The following TNR variants were observed in gnomAD, a reference collection of about 807,000 sequenced individuals.
TNR encodes tenascin R.
In TNR, 45 loss-of-function variants were observed where a neutral mutation model predicts 150.4. That is an observed-to-expected ratio of 0.30 (90% CI 0.24 to 0.38). The LOEUF (loss-of-function observed/expected upper bound fraction) is 0.38, where lower values mean the gene tolerates loss of function less well. Ranked by LOEUF, TNR falls within the 10% of genes least tolerant of loss-of-function variation. The pLI, the probability that TNR is intolerant of heterozygous loss-of-function variation, is 1.00. For synonymous variants in TNR, 687 were observed against 678.4 expected (o/e 1.01, Z -0.20); for missense variants, 1,544 against 1,759.1 (o/e 0.88, Z 2.19).
At chr1:175,729,394 T>C (rs1667567270) in intron 1 of TNR, among the ~76,000 whole-genome samples, 1 of 150,888 alleles carries the variant, frequency 6.6e-6, no homozygotes, top group Admixed American at 6.6e-5. Context: ...AGAATGAGCA[T>C]TCAAGTTTCT....
chr1:175,519,356 A>T (rs373072100), intron 2 of TNR, among the ~76,000 whole-genome samples: 1 of 152,186 alleles, frequency 6.6e-6, no homozygotes. Flanking sequence ...TTTTGAGCTC[A>T]TGGTGGACTA....
At position 175,543,789 on chromosome 1, in the gene TNR, T is replaced by C. The variant is rs147246616; in HGVS notation, c.-164-15420A>G. Among the ~76,000 whole-genome samples, 617 of 152,208 alleles carry C rather than the reference T, an allele frequency of 4.1e-3. 7 individuals carry two copies. The highest frequency in any genetic ancestry group is 0.014 in the African/African-American group (587 of 41,536). On this transcript the variant is annotated intron_variant, in intron 1 of 22. Transcript: ENST00000367674. ...TAGGGGCAAGGGGAATGGGCAAGTT[T>C]GGGGTAAGTTTTATGAAAGATGCCC...
intron 1 of TNR, among the ~76,000 whole-genome samples, chr1:175,692,177 A>G (rs955648199): frequency 6.6e-6 from 1 of 152,214 alleles, no homozygotes; most frequent in African/African-American, 2.4e-5. Flanking sequence ...TTAGATGCCA[A>G]TTAACCTTGG....
At chr1:175,689,550 G>A (rs1008391198) in intron 1 of TNR, among the ~76,000 whole-genome samples, 2 of 152,144 alleles carry the variant, frequency 1.3e-5, no homozygotes, top group African/African-American at 2.4e-5. Context: ...TCTTCCTGGG[G>A]TGATAGAGAA....
chr1:175,732,333 A>G (rs752207471), intron 1 of TNR, among the ~76,000 whole-genome samples: 12 of 152,252 alleles, frequency 7.9e-5, no homozygotes, highest in Non-Finnish European at 1.3e-4. Context: ...CCCAAAGTGA[A>G]TAAGCCACAA....
intron 1 of TNR, among the ~76,000 whole-genome samples, chr1:175,570,590 C>T (rs746155828): frequency 2.0e-5 from 3 of 152,078 alleles, no homozygotes; most frequent in South Asian, 2.1e-4. Context: ...TTTTCATGTA[C>T]GAAGATTGAA....
intron 1 of TNR, among the ~76,000 whole-genome samples, chr1:175,740,317 C>G (rs1468544655): frequency 6.6e-6 from 1 of 152,148 alleles, no homozygotes. Flanking sequence ...TGGAAAGAAG[C>G]ACAGGGAACT....
intron 1 of TNR, among the ~76,000 whole-genome samples, chr1:175,653,345 G>A (rs940099542): frequency 6.6e-6 from 1 of 152,218 alleles, no homozygotes; most frequent in South Asian, 2.1e-4. Flanking sequence ...AGCGACATGG[G>A]CAGTTCTTAA....
At chr1:175,507,378 T>A (rs1294262561) in intron 2 of TNR, among the ~76,000 whole-genome samples, 3 of 152,180 alleles carry the variant, frequency 2.0e-5, no homozygotes, top group African/African-American at 7.2e-5. Flanking sequence ...ATCAGAGTTC[T>A]TTTTTTCTAA....
chr1:175,466,788 C>G (rs1268032298), intron 2 of TNR, among the ~76,000 whole-genome samples: 1 of 152,218 alleles, frequency 6.6e-6, no homozygotes, highest in Non-Finnish European at 1.5e-5. Context: ...CATTGCCACC[C>G]TCCATCTGGC....
intron 18 of TNR, among the ~76,000 whole-genome samples, chr1:175,340,018 A>G (rs540973432): frequency 6.6e-6 from 1 of 152,336 alleles, no homozygotes; most frequent in African/African-American, 2.4e-5. Flanking sequence ...AGACAAGGGG[A>G]GTTTTGAATA....
chr1:175,348,383 T>G (rs1650898462), intron 18 of TNR, among the ~76,000 whole-genome samples: 1 of 152,160 alleles, frequency 6.6e-6, no homozygotes, highest in Non-Finnish European at 1.5e-5. Context: ...AAGTTAAAAT[T>G]TTTGAGGGGG....
rs2102137463 is a variant in TNR, at chr1:175,489,592, TGAAACA to T, written c.-64+38671_-64+38676del. Among the ~76,000 whole-genome samples the T allele has an allele frequency of 2.0e-5, 3 of 152,286 alleles. No individual in the cohort carries two copies. In the East Asian group the frequency reaches 5.8e-4, roughly 29 times the overall value. On this transcript the variant is annotated intron_variant, in intron 2 of 22. Coordinates refer to ENST00000367674, the MANE Select transcript of TNR (RefSeq NM_003285.3). Reference sequence around the variant, plus strand: ...TGTGGTCTCTTTGCCCTGGGAGACCTGAAACACTAGGGCTCATGGGAGGAAATTGTT... The same window carrying T: ...TGTGGTCTCTTTGCCCTGGGAGACCTCTAGGGCTCATGGGAGGAAATTGTT...
intron 14 of TNR, among the ~76,000 whole-genome samples, chr1:175,362,344 A>G (rs567231480): frequency 2.6e-5 from 4 of 152,314 alleles, no homozygotes; most frequent in Admixed American, 2.6e-4. Context: ...AGTCTTTTAC[A>G]AAATCAGATG....
intron 1 of TNR, among the ~76,000 whole-genome samples, chr1:175,689,316 C>T (rs919005871): frequency 6.6e-6 from 1 of 152,164 alleles, no homozygotes; most frequent in Admixed American, 6.5e-5. Flanking sequence ...ACAAAGAGCC[C>T]GTCTTTCCAC....
At chr1:175,701,384 A>G (rs2101927226) in intron 1 of TNR, among the ~76,000 whole-genome samples, 1 of 151,970 alleles carries the variant, frequency 6.6e-6, no homozygotes, top group Admixed American at 6.5e-5. Flanking sequence ...GTCTTCTCCT[A>G]AAAACAAACA....
intron 1 of TNR, among the ~76,000 whole-genome samples, chr1:175,549,678 G>A (rs143883071): frequency 9.3e-4 from 141 of 152,284 alleles, no homozygotes; most frequent in African/African-American, 3.1e-3. Context: ...GAAATACAAT[G>A]CAAGAGAGGT....
Position 175,391,408 on chromosome 1 carries a change from G to A in TNR, c.1387C>T (p.Pro463Ser), listed in dbSNP as rs1450905898. The change falls in exon 7 of 23, where the codon CCC becomes TCC. Residue 463 changes from proline to serine, a missense_variant. By Grantham distance (74) the Pro-to-Ser change is moderately conservative (BLOSUM62 -1). Transcript: ENST00000367674. ...TGGTTAAAGGACGTAACATCGCTGG[G>A]GACCTGAGCAATCACTCCCCCTTCA... is the stretch of plus-strand genomic sequence containing the variant. ...NNEGGVIAQV[P>S]SDVTSFNQTG... The A allele has an allele frequency of 6.2e-7, 1 of 1,614,156 alleles. No homozygotes were observed. The highest frequency in any genetic ancestry group is 2.2e-5 in the East Asian group (1 of 44,888).
intron 2 of TNR, among the ~76,000 whole-genome samples, chr1:175,520,166 T>C (rs548239225): frequency 6.6e-6 from 1 of 152,338 alleles, no homozygotes; most frequent in Non-Finnish European, 1.5e-5. Context: ...CAGGACTCTA[T>C]TTTTTCCCTA....
Sources: allele counts gnomAD v4.1 joint callset (sites outside exome capture counted in the v4.1 genomes callset), GRCh38; gene constraint gnomAD v4.1.1; transcripts MANE v1.5; gene names NCBI Gene and HGNC (gene_info 2026-07-23, HGNC 2026-07-21).